CLASP2: variants seen among roughly 807,000 people sequenced by gnomAD.
The protein encoded by CLASP2 is CLIP-associating protein 2.
A neutral mutation model predicts 194.4 loss-of-function variants in CLASP2; 47 were observed. The ratio of observed to expected loss-of-function variants is 0.24; its 90% CI spans 0.19 to 0.31. The LOEUF (loss-of-function observed/expected upper bound fraction) is 0.31. Ranked by LOEUF, CLASP2 falls within the 10% of genes least tolerant of loss-of-function variation. CLASP2 has a pLI of 1.00. For missense variants in CLASP2, 1,445 were observed against 1,823.6 expected (o/e 0.79, Z 3.78); for synonymous variants, 619 against 633.5 (o/e 0.98, Z 0.34).
rs150362020 is a variant in CLASP2 at position 33,581,768 on chromosome 3, T to C, written c.2347+53A>G. The C allele has an allele frequency of 1.8e-4, 219 of 1,217,378 alleles. 1 individual carries two copies. In the Admixed American group the frequency reaches 3.7e-3, roughly 21 times the overall value. The allele number at this position is 1,217,378 out of a possible 1,614,324, so 75.4% of individuals were successfully genotyped here. A position where few individuals can be genotyped will look rare whatever the true frequency, so the allele number is the denominator to read the frequency against. ...TCCCAGGTATGCTGAAGTTAACAGA[T>C]AGTGATAACACCATGGATAAGCAAT... is the stretch of plus-strand genomic sequence containing the variant. On this transcript the variant is annotated intron_variant, in intron 23 of 38. Transcript: ENST00000682230.
intron 20 of CLASP2, among the ~76,000 whole-genome samples, chr3:33,593,505 A>T (rs1171579186): frequency 1.3e-5 from 2 of 152,210 alleles, no homozygotes; most frequent in African/African-American, 4.8e-5. Flanking sequence ...GAATAAGGAG[A>T]TATTACAAAA....
At chr3:33,694,726 G>A (rs1440993774) in intron 2 of CLASP2, among the ~76,000 whole-genome samples, 1 of 152,162 alleles carries the variant, frequency 6.6e-6, no homozygotes, top group Admixed American at 6.5e-5. Flanking sequence ...AGACAAGCCA[G>A]AAATAAGAAT....
intron 9 of CLASP2, among the ~76,000 whole-genome samples, chr3:33,627,671 T>C (rs2078292087): frequency 6.6e-6 from 1 of 152,136 alleles, no homozygotes; most frequent in African/African-American, 2.4e-5. Context: ...CTTTGCCTTA[T>C]GGAGAGTACA....
intron 26 of CLASP2, 32 bp from the exon 27 acceptor site, chr3:33,566,766 G>A: frequency 4.6e-6 from 2 of 433,288 alleles, no homozygotes; most frequent in Non-Finnish European, 9.2e-6. Context: ...GGGACAGCAT[G>A]CAAAAAGAAA....
In CLASP2 at chr3:33,539,620, C is replaced by G. The variant is rs556468607; in HGVS notation, c.3405-678G>C. ...AAAGTGCTGGGATTACAGGCGTGAG[C>G]CACTGCGCCCAGCCCATAAATAAAA... is the stretch of plus-strand genomic sequence containing the variant. On this transcript the variant is annotated intron_variant, in intron 32 of 38. Coordinates refer to ENST00000682230, the MANE Select transcript of CLASP2 (RefSeq NM_001365631.1). 1.9e-3 allele frequency among the ~76,000 whole-genome samples: 285 copies of G among 152,274 alleles called. 1 individual carries two copies. The highest frequency in any genetic ancestry group is 6.2e-3 in the African/African-American group (258 of 41,562).
chr3:33,519,452 G>T (rs2052344329), intron 34 of CLASP2, among the ~76,000 whole-genome samples: 1 of 151,910 alleles, frequency 6.6e-6, no homozygotes, highest in Non-Finnish European at 1.5e-5. Flanking sequence ...ATTCTGACTT[G>T]AATAATTATC....
intron 23 of CLASP2, among the ~76,000 whole-genome samples, chr3:33,578,996 A>G (rs116512024): frequency 0.019 from 2,945 of 152,310 alleles, 55 homozygotes; most frequent in African/African-American, 0.045. Context: ...AACAAATAAT[A>G]GAAAGGACCA....
At chr3:33,577,220 C>T (rs773366139) in intron 23 of CLASP2, 20 of 1,597,562 alleles carry the variant, frequency 1.3e-5, no homozygotes, top group Middle Eastern at 1.6e-4. Flanking sequence ...CCATACACTT[C>T]GGGGGCGTAG....
chr3:33,544,171 A>G (rs1444946501), intron 31 of CLASP2, among the ~76,000 whole-genome samples: 1 of 152,208 alleles, frequency 6.6e-6, no homozygotes, highest in East Asian at 1.9e-4. Flanking sequence ...ATGTATACAC[A>G]AACACACAAA....
chr3:33,663,492 A>G lies in CLASP2; in HGVS notation c.668T>C (p.Phe223Ser). The G allele has an allele frequency of 6.2e-7, 1 of 1,612,300 alleles. No homozygotes were observed. The highest frequency in any genetic ancestry group is 8.5e-7 in the Non-Finnish European group (1 of 1,178,856). The change falls in exon 7 of 39, where the codon TTT becomes TCT. Residue 223 changes from phenylalanine (F) to serine (S), a missense_variant. Physicochemically the swap from Phe to Ser is radical, Grantham distance 155 (BLOSUM62 -2). Transcript: ENST00000682230. ...ACCGCCTGAACTTTGCACTTCATCA[A>G]ATTTGGCAAATATCATTTCTAATCT... ...PARLEMIFAKFDEVQSSGGMI... is the reference protein window; with the variant it reads ...PARLEMIFAKSDEVQSSGGMI...
At chr3:33,546,457 A>G (rs2059166180) in intron 30 of CLASP2, among the ~76,000 whole-genome samples, 3 of 152,118 alleles carry the variant, frequency 2.0e-5, no homozygotes, top group Admixed American at 6.6e-5. Context: ...ACTAGATTTC[A>G]TATTTCTTTT....
At chr3:33,653,937 C>T (rs1022145535) in intron 7 of CLASP2, among the ~76,000 whole-genome samples, 2 of 150,702 alleles carry the variant, frequency 1.3e-5, no homozygotes, top group South Asian at 2.1e-4. Context: ...GAAAATAAGA[C>T]GAGGGTGGAA....
chr3:33,583,732 T>C (rs565274199), intron 22 of CLASP2, among the ~76,000 whole-genome samples: 2 of 152,304 alleles, frequency 1.3e-5, no homozygotes, highest in South Asian at 2.1e-4. Flanking sequence ...TCTTTAAATA[T>C]GAGAATATTT....
At chr3:33,552,934 C>T (rs536906847) in intron 29 of CLASP2, among the ~76,000 whole-genome samples, 1 of 152,246 alleles carries the variant, frequency 6.6e-6, no homozygotes, top group South Asian at 2.1e-4. Flanking sequence ...TGTACCTGTG[C>T]ACTTAAGAAA....
At chr3:33,661,829 G>A (rs897127323) in intron 7 of CLASP2, among the ~76,000 whole-genome samples, 1 of 152,194 alleles carries the variant, frequency 6.6e-6, no homozygotes, top group Non-Finnish European at 1.5e-5. Flanking sequence ...AAGAAAGAGA[G>A]AATAAAAACA....
intron 6 of CLASP2, among the ~76,000 whole-genome samples, chr3:33,678,116 T>C (rs955107045): frequency 6.6e-6 from 1 of 151,494 alleles, no homozygotes; most frequent in African/African-American, 2.4e-5. Context: ...ATCCAAGAAC[T>C]GTGGGGCATC....
At chr3:33,697,970 A>G (rs1337576500) in intron 1 of CLASP2, among the ~76,000 whole-genome samples, 2 of 152,194 alleles carry the variant, frequency 1.3e-5, no homozygotes, top group Non-Finnish European at 2.9e-5. Context: ...CCACAGACAC[A>G]AGGAGAACTC....
At chr3:33,681,770 C>T (rs1487667464) in intron 6 of CLASP2, among the ~76,000 whole-genome samples, 14 of 152,178 alleles carry the variant, frequency 9.2e-5, no homozygotes, top group Admixed American at 9.2e-4. Context: ...TTTGATCCCT[C>T]CAAGCCTCAA....
Position 33,644,852 on chromosome 3 carries a change from G to A in CLASP2, c.767C>T (p.Ala256Val). Residue 256 changes from alanine to valine, a missense_variant, in exon 8 of 39, where the codon GCT (alanine) becomes GTT (valine). Around this residue, in one of 4 missense-constraint regions of CLASP2, gnomAD observed 332 missense variants for 325.3 expected, o/e 1.02. Coordinates refer to ENST00000682230, the MANE Select transcript of CLASP2 (RefSeq NM_001365631.1). ...TGCAGGAACCTTGAAGGCTGATGCA[G>A]CTGATGATGGCCTATTTCCATCCAC... Reference protein sequence around the residue: ...ESVDGNRPSSAASAFKVPAPK... With the variant: ...ESVDGNRPSSVASAFKVPAPK... The A allele has an allele frequency of 1.9e-6, 3 of 1,609,436 alleles. No individual in the cohort carries two copies. In the South Asian group the frequency reaches 3.3e-5, roughly 18 times the overall value.
Sources: allele counts gnomAD v4.1 joint callset (sites outside exome capture counted in the v4.1 genomes callset), GRCh38; gene constraint gnomAD v4.1.1; regional missense constraint gnomAD v4.1.1; transcripts MANE v1.5; gene names NCBI Gene and HGNC (gene_info 2026-07-23, HGNC 2026-07-21).